Variants in CAMTA1 observed in about 807,000 individuals in gnomAD.
The protein encoded by CAMTA1 is calmodulin binding transcription activator 1, also known as calmodulin-binding transcription activator 1.
A neutral mutation model predicts 170.9 loss-of-function variants in CAMTA1; 27 were observed. The observed-to-expected ratio is 0.16, with a 90% confidence interval of 0.12 to 0.22. The LOEUF (loss-of-function observed/expected upper bound fraction) is 0.22. Among genes scored for constraint, CAMTA1 ranks in the 10% least tolerant of loss-of-function variants. CAMTA1 has a pLI of 1.00. For missense variants in CAMTA1, 1,619 were observed against 2,217.2 expected (o/e 0.73, Z 5.42); for synonymous variants, 833 against 891.5 (o/e 0.93, Z 1.17).
intron 5 of CAMTA1, among the ~76,000 whole-genome samples, chr1:7,348,257 C>G (rs1353796002): frequency 6.6e-6 from 1 of 152,234 alleles, no homozygotes; most frequent in Non-Finnish European, 1.5e-5. Context: ...CTTCAGCGTT[C>G]TGGCCTTGGT....
intron 5 of CAMTA1, among the ~76,000 whole-genome samples, chr1:7,337,072 A>G (rs1353501206): frequency 6.6e-6 from 1 of 152,182 alleles, no homozygotes; most frequent in African/African-American, 2.4e-5. Flanking sequence ...TACGATCCCT[A>G]GTGATCTGAC....
intron 11 of CAMTA1, among the ~76,000 whole-genome samples, chr1:7,723,759 G>A (rs2096664468): frequency 6.6e-6 from 1 of 152,124 alleles, no homozygotes; most frequent in Non-Finnish European, 1.5e-5. Context: ...AAAACACCAG[G>A]CAAACCTAAA....
At chr1:7,655,375 TACAC>T (rs200580545) in intron 7 of CAMTA1, among the ~76,000 whole-genome samples, 2 of 137,202 alleles carry the variant, frequency 1.5e-5, no homozygotes, top group East Asian at 4.7e-4. Context: ...CACCCACCTA[TACAC>T]ACACACGTAT....
intron 3 of CAMTA1, among the ~76,000 whole-genome samples, chr1:7,024,829 G>C (rs941188647): frequency 3.3e-5 from 5 of 152,316 alleles, no homozygotes; most frequent in Admixed American, 6.5e-5. Context: ...TCCTCACTCC[G>C]AAAATAACTT....
intron 3 of CAMTA1, among the ~76,000 whole-genome samples, chr1:6,875,117 C>T (rs1669463212): frequency 6.6e-6 from 1 of 152,184 alleles, no homozygotes; most frequent in Non-Finnish European, 1.5e-5. Context: ...CACCCAGGCT[C>T]ACACCCTCAG....
chr1:6,981,046 C>A (rs534512808), intron 3 of CAMTA1, among the ~76,000 whole-genome samples: 2 of 152,010 alleles, frequency 1.3e-5, no homozygotes, highest in African/African-American at 4.8e-5. Context: ...ACTGAGGGTA[C>A]GTGCTGGCAC....
intron 5 of CAMTA1, among the ~76,000 whole-genome samples, chr1:7,450,434 C>T (rs555470012): frequency 2.0e-5 from 3 of 152,184 alleles, no homozygotes; most frequent in Non-Finnish European, 2.9e-5. Flanking sequence ...GGAAAGCAGG[C>T]GCCCTGCCAC....
chr1:7,172,768 C>T (rs1558201462), intron 4 of CAMTA1, among the ~76,000 whole-genome samples: 1 of 152,202 alleles, frequency 6.6e-6, no homozygotes, highest in Non-Finnish European at 1.5e-5. Context: ...AGGACATTTG[C>T]TTGCTAGGAC....
chr1:7,092,513 G>A lies in CAMTA1; in HGVS notation c.302+1142G>A, dbSNP rs1641612600. ...TTGTGGAAGGAAGGTTAGTTATTGA[G>A]GCTCCCTTCCCCAGGTGGCTCTGAA... On this transcript the variant is annotated intron_variant, in intron 4 of 22. Transcript: ENST00000303635. The surrounding 1 kb of genome is among the most constrained non-coding windows in gnomAD (Gnocchi z 5.0). Among the ~76,000 whole-genome samples, 1 of 152,170 alleles carries A rather than the reference G, an allele frequency of 6.6e-6. No individual in the cohort carries two copies. The highest frequency in any genetic ancestry group is 1.5e-5 in the Non-Finnish European group (1 of 68,044).
At chr1:6,945,069 G>A (rs1408167734) in intron 3 of CAMTA1, among the ~76,000 whole-genome samples, 4 of 152,166 alleles carry the variant, frequency 2.6e-5, no homozygotes. Flanking sequence ...AGAGGGCAGG[G>A]ATCTTGTGTG....
chr1:6,980,681 A>C (rs1281668181), intron 3 of CAMTA1, among the ~76,000 whole-genome samples: 1 of 152,034 alleles, frequency 6.6e-6, no homozygotes, highest in Admixed American at 6.6e-5. Context: ...AAGTCTCAGG[A>C]GATCTAATGG....
At chr1:7,628,649 T>C (rs2095648965) in intron 6 of CAMTA1, among the ~76,000 whole-genome samples, 1 of 152,254 alleles carries the variant, frequency 6.6e-6, no homozygotes, top group Admixed American at 6.5e-5. Flanking sequence ...CAATGACTGT[T>C]TGCTGCCATT....
chr1:7,122,223 C>T (rs1200012482), intron 4 of CAMTA1, among the ~76,000 whole-genome samples: 3 of 152,010 alleles, frequency 2.0e-5, no homozygotes, highest in Admixed American at 2.0e-4. Flanking sequence ...TAACCTGTCC[C>T]CACTGTCCCT....
At chr1:6,892,597 C>CTTTT (rs70984032) in intron 3 of CAMTA1, among the ~76,000 whole-genome samples, 8 of 120,844 alleles carry the variant, frequency 6.6e-5, no homozygotes, top group Non-Finnish European at 1.0e-4. Context: ...TTTTTCTTTT[C>CTTTT]TTTTTTTTTT....
chr1:6,962,721 C>G (rs1690693875), intron 3 of CAMTA1, among the ~76,000 whole-genome samples: 1 of 151,304 alleles, frequency 6.6e-6, no homozygotes, highest in Admixed American at 6.6e-5. Context: ...CTGCCCCTGC[C>G]CCATGGCTGG....
At chr1:7,363,121 A>G (rs918848959) in intron 5 of CAMTA1, among the ~76,000 whole-genome samples, 4 of 152,220 alleles carry the variant, frequency 2.6e-5, no homozygotes, top group African/African-American at 9.6e-5. Flanking sequence ...TGAGAGAGTG[A>G]GTAGGAACTG....
In CAMTA1 at chr1:6,898,397, G is replaced by GA. The variant is rs560105854; in HGVS notation, c.234+73193dup. Among the ~76,000 whole-genome samples the GA allele has an allele frequency of 2.6e-5, 4 of 152,104 alleles. No individual in the cohort carries two copies. In the South Asian group the frequency reaches 8.3e-4, roughly 32 times the overall value. ...TGAAACCCCGTCTCTACTAAAAATA[G>GA]AAAAAATTAGCTGGGCATGGTGGCG... is the stretch of plus-strand genomic sequence containing the variant. On this transcript the variant is annotated intron_variant, in intron 3 of 22. Coordinates refer to ENST00000303635, the MANE Select transcript of CAMTA1 (RefSeq NM_015215.4).
intron 4 of CAMTA1, among the ~76,000 whole-genome samples, chr1:7,145,731 G>A (rs555959526): frequency 8.5e-5 from 13 of 152,210 alleles, no homozygotes; most frequent in African/African-American, 2.7e-4. Context: ...CAGAGGGGCC[G>A]GGACGATTGC....
intron 3 of CAMTA1, among the ~76,000 whole-genome samples, chr1:7,022,769 G>C (rs536452052): frequency 1.3e-5 from 2 of 152,314 alleles, no homozygotes; most frequent in South Asian, 4.1e-4. Flanking sequence ...AGGAGCTCCA[G>C]TGGAACTTCC....
Sources: gnomAD v4.1 joint callset for allele counts (sites outside exome capture counted in the v4.1 genomes callset) on GRCh38, gnomAD v4.1.1 for gene constraint, Gnocchi (gnomAD v3.1) non-coding constraint, MANE v1.5 for transcripts, NCBI Gene and HGNC (gene_info 2026-07-23, HGNC 2026-07-21) for gene names.